The following CRACR2A variants were observed in gnomAD, a reference collection of about 807,000 sequenced individuals.
CRACR2A encodes calcium release activated channel regulator 2A.
A neutral mutation model predicts 90.5 loss-of-function variants in CRACR2A; 79 were observed. The observed-to-expected ratio is 0.87, with a 90% confidence interval of 0.73 to 1.05. The LOEUF is 1.05. Among genes scored for constraint, CRACR2A ranks in the 50% least tolerant of loss-of-function variants. The pLI, the probability that CRACR2A is intolerant of heterozygous loss-of-function variation, is 0.00. For missense variants in CRACR2A, 823 were observed against 897.2 expected (o/e 0.92, Z 1.06); for synonymous variants, 338 against 356.7 (o/e 0.95, Z 0.59).
intron 4 of CRACR2A, among the ~76,000 whole-genome samples, chr12:3,681,082 TC>T (rs1205934692): frequency 6.6e-6 from 1 of 151,176 alleles, no homozygotes; most frequent in Non-Finnish European, 1.5e-5. Flanking sequence ...TTGAGGCCTC[TC>T]CTGCTGGAGG....
At chr12:3,637,443 C>G (rs7954720) in intron 14 of CRACR2A, among the ~76,000 whole-genome samples, 93,969 of 151,958 alleles carry the variant, frequency 0.62, 29,114 homozygotes, top group Admixed American at 0.69. Flanking sequence ...GGTTTCTCTT[C>G]AAATAATCTG....
In CRACR2A at chr12:3,648,372, A is replaced by G. The variant is rs1944729322; in HGVS notation, c.1118+170T>C. The G allele has an allele frequency of 5.3e-6, 8 of 1,517,166 alleles. No individual in the cohort carries two copies. In the South Asian group the frequency reaches 7.6e-5, roughly 14 times the overall value. The allele number at this position is 1,517,166 out of a possible 1,614,324, so 94.0% of individuals were successfully genotyped here. A position where few individuals can be genotyped will look rare whatever the true frequency, so the allele number is the denominator to read the frequency against. On this transcript the variant is annotated intron_variant, in intron 11 of 19. Coordinates refer to ENST00000440314, the MANE Select transcript of CRACR2A (RefSeq NM_001144958.2). Reference sequence around the variant, plus strand: ...TGTGTAAACGGACCAAACATAATAGAGTGGCTACTTGGTGGTCCAAACACT... The same window carrying G: ...TGTGTAAACGGACCAAACATAATAGGGTGGCTACTTGGTGGTCCAAACACT...
chr12:3,747,619 T>A (rs1473022942), intron 1 of CRACR2A, among the ~76,000 whole-genome samples: 1 of 152,172 alleles, frequency 6.6e-6, no homozygotes, highest in African/African-American at 2.4e-5. Context: ...ATCACCCAGG[T>A]AATAGAAGAT....
chr12:3,666,436 G>A (rs1945153035), intron 7 of CRACR2A, among the ~76,000 whole-genome samples: 1 of 152,004 alleles, frequency 6.6e-6, no homozygotes, highest in Admixed American at 6.6e-5. Flanking sequence ...GCTAAGGATG[G>A]GAGGCAGATG....
intron 17 of CRACR2A, among the ~76,000 whole-genome samples, chr12:3,621,670 A>C (rs1333735679): frequency 4.2e-5 from 6 of 144,512 alleles, no homozygotes; most frequent in African/African-American, 1.5e-4. Flanking sequence ...AAAAAAAAAA[A>C]AAAAAAAAAA....
chr12:3,656,441 A>C, intron 8 of CRACR2A, 35 bp from the exon 9 acceptor site: 1 of 1,598,356 alleles, frequency 6.3e-7, no homozygotes, highest in Non-Finnish European at 8.6e-7. Context: ...ACAGGACCCA[A>C]ATGTAGCACA....
At chr12:3,621,672 A>AAAAAAAAC (rs1944140770) in intron 17 of CRACR2A, among the ~76,000 whole-genome samples, 3 of 145,714 alleles carry the variant, frequency 2.1e-5, no homozygotes, top group African/African-American at 7.6e-5. Context: ...AAAAAAAAAA[A>AAAAAAAAC]AAAAAAAAAC....
chr12:3,673,177 C>G (rs1468347601), intron 7 of CRACR2A, among the ~76,000 whole-genome samples: 2 of 152,200 alleles, frequency 1.3e-5, no homozygotes, highest in South Asian at 2.1e-4. Flanking sequence ...AAAATGATAA[C>G]CAGTCCCTCC....
rs1944313310 is a variant in CRACR2A at position 3,628,251 on chromosome 12, T to C, written c.1736-545A>G. 2.6e-5 allele frequency among the ~76,000 whole-genome samples: 4 copies of C among 151,906 alleles called. No homozygotes were observed. In the South Asian group the frequency reaches 8.3e-4, roughly 32 times the overall value. ...TCTCTTTCTTTCTTTCTTTCCTTCT[T>C]TCCTAAAATTCTTTCAGAGGCCCCC... On this transcript the variant is annotated intron_variant, in intron 15 of 19. Transcript: ENST00000440314.
At chr12:3,682,172 A>G (rs1945467542) in intron 4 of CRACR2A, among the ~76,000 whole-genome samples, 1 of 152,236 alleles carries the variant, frequency 6.6e-6, no homozygotes, top group Non-Finnish European at 1.5e-5. Context: ...CTCACATTCC[A>G]GTCCTTCCTT....
intron 10 of CRACR2A, among the ~76,000 whole-genome samples, chr12:3,649,024 T>C (rs139393054): frequency 2.9e-4 from 44 of 151,612 alleles, no homozygotes; most frequent in African/African-American, 9.7e-4. Flanking sequence ...TAGGTGGGAA[T>C]TGAACAATGA....
chr12:3,669,627 G>C (rs912857556), intron 7 of CRACR2A, among the ~76,000 whole-genome samples: 2 of 152,198 alleles, frequency 1.3e-5, no homozygotes, highest in South Asian at 4.1e-4. Context: ...TCATGGCTGT[G>C]AGTGAGGACT....
intron 4 of CRACR2A, among the ~76,000 whole-genome samples, chr12:3,685,469 C>T (rs781658312): frequency 3.3e-5 from 5 of 152,220 alleles, no homozygotes; most frequent in Non-Finnish European, 7.3e-5. Flanking sequence ...ATATAGCCAA[C>T]AGGCGGAAGC....
At chr12:3,734,120 G>C (rs1408994852) in intron 1 of CRACR2A, among the ~76,000 whole-genome samples, 2 of 151,354 alleles carry the variant, frequency 1.3e-5, no homozygotes, top group African/African-American at 4.9e-5. Context: ...ACAGGCGCCC[G>C]CCACCACACC....
intron 6 of CRACR2A, among the ~76,000 whole-genome samples, chr12:3,677,753 C>G (rs74055971): frequency 0.011 from 1,651 of 152,324 alleles, 33 homozygotes; most frequent in African/African-American, 0.038. Flanking sequence ...CCTGCTGCAG[C>G]CCCTTCCAGG....
chr12:3,684,390 C>T (rs988880223), intron 4 of CRACR2A, among the ~76,000 whole-genome samples: 4 of 152,108 alleles, frequency 2.6e-5, no homozygotes, highest in African/African-American at 9.7e-5. Flanking sequence ...CACAGTTTCT[C>T]AACCTTGGCA....
At chr12:3,729,644 A>C (rs1209068704) in intron 2 of CRACR2A, 1 of 152,278 alleles carries the variant, frequency 6.6e-6, no homozygotes. Flanking sequence ...CAGAGGTTGC[A>C]GTGAGCCAAG....
At chr12:3,703,499 G>A (rs547023274) in intron 3 of CRACR2A, among the ~76,000 whole-genome samples, 1 of 152,200 alleles carries the variant, frequency 6.6e-6, no homozygotes, top group Non-Finnish European at 1.5e-5. Flanking sequence ...ACATCTTTGT[G>A]ACCTTAGCTT....
At chr12:3,734,653 GCA>G (rs879475887) in intron 1 of CRACR2A, among the ~76,000 whole-genome samples, 32,759 of 151,206 alleles carry the variant, frequency 0.22, 3,735 homozygotes, top group Admixed American at 0.29. Flanking sequence ...GTGTGTGTGT[GCA>G]TATACATAAT....
Sources: allele counts gnomAD v4.1 joint callset (sites outside exome capture counted in the v4.1 genomes callset), GRCh38; gene constraint gnomAD v4.1.1; transcripts MANE v1.5; gene names NCBI Gene and HGNC (gene_info 2026-07-23, HGNC 2026-07-21).